RICTOR: variants seen among roughly 807,000 people sequenced by gnomAD.
RICTOR encodes the protein RPTOR independent companion of MTOR complex 2.
A neutral mutation model predicts 214.9 loss-of-function variants in RICTOR; 49 were observed. That is an observed-to-expected ratio of 0.23 (90% CI 0.18 to 0.29). RICTOR has a LOEUF of 0.29. Among genes scored for constraint, RICTOR ranks in the 10% least tolerant of loss-of-function variants. The pLI, the probability that RICTOR is intolerant of heterozygous loss-of-function variation, is 1.00. For synonymous variants in RICTOR, 717 were observed against 711.3 expected, an observed-to-expected ratio of 1.01 and a Z score of -0.13; for missense variants, 1,625 against 2,047.0, an observed-to-expected ratio of 0.79 and a Z score of 3.98.
intron 10 of RICTOR, 104 bp from the exon 11 acceptor site, chr5:38,972,063 T>C (rs1750832488): frequency 1.7e-6 from 1 of 585,532 alleles, no homozygotes. Context: ...GGCAAAATTA[T>C]ATGATTATGA....
chr5:39,021,019 T>C lies in RICTOR; in HGVS notation c.195+20A>G, dbSNP rs1369076611. ...AGGAACAAAGAATTTTAGACAATAATAAAAATTCAAGTTACTTACCTTAGT... is the reference window on the plus strand; with the variant it reads ...AGGAACAAAGAATTTTAGACAATAACAAAAATTCAAGTTACTTACCTTAGT... On this transcript the variant is annotated intron_variant, in intron 3 of 37. Transcript: ENST00000357387. 2.6e-6 allele frequency: 3 copies of C among 1,168,840 alleles called. No individual in the cohort carries two copies. The highest frequency in any genetic ancestry group is 2.6e-6 in the Non-Finnish European group (2 of 773,896). The allele number at this position is 1,168,840 out of a possible 1,614,324, so 72.4% of individuals were successfully genotyped here.
At chr5:38,944,819 A>C (rs2112805982) in intron 35 of RICTOR, 94 bp downstream of exon 35, 1 of 1,241,382 alleles carries the variant, frequency 8.1e-7, no homozygotes, top group South Asian at 1.2e-5. Context: ...GTTTTGAGAC[A>C]ACTTTAATTT....
rs2112751965 is a variant in RICTOR, at chr5:38,939,817, A to AT, written c.*2486dup. Reference sequence around the variant, plus strand: ...CTATTATTTATAGATGATTTTCTCAATTATTTCTATTACTGCTGATATCAT... The same window carrying AT: ...CTATTATTTATAGATGATTTTCTCAATTTATTTCTATTACTGCTGATATCAT... On this transcript the variant is annotated 3_prime_UTR_variant, in exon 38 of 38. Coordinates refer to ENST00000357387, the MANE Select transcript of RICTOR (RefSeq NM_152756.5). The AT allele has an allele frequency of 4.5e-6, 1 of 224,482 alleles. No individual in the cohort carries two copies. The highest frequency in any genetic ancestry group is 5.7e-5 in the Admixed American group (1 of 17,472). The allele number at this position is 224,482 out of a possible 1,614,324, so 13.9% of individuals were successfully genotyped here.
chr5:39,026,034 T>C (rs1418809845), intron 2 of RICTOR, among the ~76,000 whole-genome samples: 1 of 152,174 alleles, frequency 6.6e-6, no homozygotes, highest in Non-Finnish European at 1.5e-5. Flanking sequence ...GAGGTTTACC[T>C]GTCTCTATTT....
At chr5:38,965,652 T>G (rs555742600) in intron 15 of RICTOR, among the ~76,000 whole-genome samples, 1 of 152,084 alleles carries the variant, frequency 6.6e-6, no homozygotes, top group East Asian at 1.9e-4. Flanking sequence ...AGCCTCTGAC[T>G]CTATATAATT....
rs1383019715 is a variant in RICTOR, at chr5:39,065,511, C to A, written c.97+8600G>T. Among the ~76,000 whole-genome samples the A allele has an allele frequency of 1.3e-5, 2 of 152,192 alleles. 1 individual carries two copies. The highest frequency in any genetic ancestry group is 3.8e-4 in the East Asian group (2 of 5,200). The stretch of plus-strand genomic sequence containing the variant: ...ACACTGCAAAATAAACTCATGCCTT[C>A]CCAACAGTCTCCCAAAGTCTTAACT... On this transcript the variant is annotated intron_variant, in intron 2 of 37. Coordinates refer to ENST00000357387, the MANE Select transcript of RICTOR (RefSeq NM_152756.5).
chr5:39,026,294 G>A (rs1033921487), intron 2 of RICTOR, among the ~76,000 whole-genome samples: 1 of 152,110 alleles, frequency 6.6e-6, no homozygotes, highest in Non-Finnish European at 1.5e-5. Context: ...AGTGGGCAGT[G>A]ATCATGTCAC....
intron 29 of RICTOR, 61 bp downstream of exon 29, chr5:38,952,923 CT>C: frequency 1.0e-6 from 1 of 963,206 alleles, no homozygotes; most frequent in Non-Finnish European, 1.6e-6. Flanking sequence ...ATACTTTCCC[CT>C]AACATCCATT....
intron 2 of RICTOR, among the ~76,000 whole-genome samples, chr5:39,059,714 A>G (rs771726137): frequency 9.9e-5 from 15 of 152,058 alleles, no homozygotes; most frequent in Non-Finnish European, 1.8e-4. Context: ...CAAGGTTGAA[A>G]CAATCCTCCA....
chr5:38,967,220 G>A lies in RICTOR; in HGVS notation c.1159C>T (p.Leu387Phe). ...LPHRARSRPD[L>F]MDNYLALILS... The stretch of plus-strand genomic sequence containing the variant: ...ATCAGTGCCAAATAATTATCCATGA[G>A]GTCTGGCCTGGAAAAAACAGCACAG... Residue 387 changes from leucine to phenylalanine, a missense_variant, in exon 14 of 38, where the codon CTC becomes TTC. Coordinates refer to ENST00000357387, the MANE Select transcript of RICTOR (RefSeq NM_152756.5). 3 of 1,612,304 alleles carry A rather than the reference G, an allele frequency of 1.9e-6. No individual in the cohort carries two copies. The highest frequency in any genetic ancestry group is 2.2e-5 in the East Asian group (1 of 44,874).
chr5:39,017,881 T>A (rs1030036322), intron 3 of RICTOR, among the ~76,000 whole-genome samples: 16 of 152,134 alleles, frequency 1.1e-4, no homozygotes, highest in African/African-American at 3.9e-4. Flanking sequence ...TTTATTGAAC[T>A]GTAGATCCTG....
At chr5:39,041,903 T>C (rs1448719896) in intron 2 of RICTOR, among the ~76,000 whole-genome samples, 3 of 139,320 alleles carry the variant, frequency 2.2e-5, no homozygotes, top group African/African-American at 8.2e-5. Context: ...ATCATGCCAC[T>C]GGACTCCAGT....
chr5:38,986,716 T>C (rs933908099), intron 7 of RICTOR, among the ~76,000 whole-genome samples: 37 of 152,306 alleles, frequency 2.4e-4, no homozygotes, highest in African/African-American at 7.9e-4. Flanking sequence ...CCTTTATTTC[T>C]TTCTCTTGCC....
At chr5:39,009,631 T>C (rs935828102) in intron 3 of RICTOR, among the ~76,000 whole-genome samples, 1 of 152,130 alleles carries the variant, frequency 6.6e-6, no homozygotes, top group Non-Finnish European at 1.5e-5. Context: ...TCAATAATGG[T>C]TAAATGCCTT....
In RICTOR at chr5:38,947,284, C is replaced by T. The variant is rs776016149; in HGVS notation, c.4294G>A (p.Asp1432Asn). Residue 1432 changes from aspartate to asparagine, a missense_variant, in exon 32 of 38, where the codon GAT becomes AAT. Asp to Asn is a conservative substitution (Grantham distance 23). Transcript: ENST00000357387. ...AATACCTGGAATATATCATTTATAT[C>T]CACCGGGAGAGCAAGACCAATGTAA... is the stretch of plus-strand genomic sequence containing the variant. ...DDYIGLALPV[D>N]INDIFQVKDI... The T allele has an allele frequency of 4.3e-6, 7 of 1,610,594 alleles. No individual in the cohort carries two copies. The highest frequency in any genetic ancestry group is 1.3e-5 in the African/African-American group (1 of 74,674).
chr5:38,959,692 T>C (rs2115946), intron 21 of RICTOR, 87 bp downstream of exon 21: 828,485 of 850,750 alleles, frequency 0.97, 403,730 homozygotes, highest in East Asian at 0.99. Context: ...ACCAAACACA[T>C]GTACACAGAA....
At chr5:39,022,785 A>G (rs1047187732) in intron 2 of RICTOR, among the ~76,000 whole-genome samples, 3 of 152,162 alleles carry the variant, frequency 2.0e-5, no homozygotes, top group African/African-American at 7.2e-5. Flanking sequence ...TTTCCTGAGC[A>G]CCCACTGTGG....
intron 11 of RICTOR, among the ~76,000 whole-genome samples, chr5:38,968,965 GTTTTTTTTTTTTT>G (rs70982522): frequency 1.0e-5 from 1 of 95,500 alleles, no homozygotes; most frequent in Non-Finnish European, 2.0e-5. Flanking sequence ...CGGGGGAGGA[GTTTTTTTTTTTTT>G]TTTTTTTTTT....
chr5:39,014,874 TC>T (rs1754824611), intron 3 of RICTOR, among the ~76,000 whole-genome samples: 1 of 152,172 alleles, frequency 6.6e-6, no homozygotes, highest in Admixed American at 6.6e-5. Flanking sequence ...ATGTCACTGT[TC>T]TATTAAGATA....
Sources: gnomAD v4.1 joint callset for allele counts (sites outside exome capture counted in the v4.1 genomes callset) on GRCh38, gnomAD v4.1.1 for gene constraint, MANE v1.5 for transcripts, NCBI Gene and HGNC (gene_info 2026-07-23, HGNC 2026-07-21) for gene names.